CEP192: variants seen among roughly 807,000 people sequenced by gnomAD.
CEP192 encodes the protein centrosomal protein of 192 kDa.
A neutral mutation model predicts 271.8 loss-of-function variants in CEP192; 151 were observed. That is an observed-to-expected ratio of 0.56 (90% CI 0.49 to 0.64). CEP192 has a LOEUF of 0.64. CEP192 is among the 30% of genes least tolerant of loss of function. CEP192 has a pLI of 0.00. For synonymous variants in CEP192, 995 were observed against 1,076.5 expected (o/e 0.92, Z 1.48); for missense variants, 2,910 against 3,020.5 (o/e 0.96, Z 0.86).
At chr18:13,002,170 ATTG>A (rs1445772616) in intron 3 of CEP192, among the ~76,000 whole-genome samples, 1 of 152,188 alleles carries the variant, frequency 6.6e-6, no homozygotes. Context: ...GAGAACAGCC[ATTG>A]AGTACATTTT....
At chr18:13,103,345 ATACC>A (rs1442837301) in intron 38 of CEP192, among the ~76,000 whole-genome samples, 160 bp from the exon 39 acceptor site, 1 of 152,222 alleles carries the variant, frequency 6.6e-6, no homozygotes, top group Non-Finnish European at 1.5e-5. Context: ...AATATCTGAC[ATACC>A]TGATTTTTAA....
intron 10 of CEP192, among the ~76,000 whole-genome samples, chr18:13,030,242 C>T (rs2035540070): frequency 6.6e-6 from 1 of 152,308 alleles, no homozygotes; most frequent in Non-Finnish European, 1.5e-5. Flanking sequence ...CTTTATTCCT[C>T]ATTCTCCATT....
At chr18:13,054,380 A>C (rs1006053333) in intron 18 of CEP192, among the ~76,000 whole-genome samples, 1 of 152,150 alleles carries the variant, frequency 6.6e-6, no homozygotes, top group Non-Finnish European at 1.5e-5. Context: ...TGATGAGCTA[A>C]CTGTGACTGC....
chr18:13,041,456 G>C (rs1175925145), intron 14 of CEP192, among the ~76,000 whole-genome samples: 2 of 152,068 alleles, frequency 1.3e-5, no homozygotes, highest in Non-Finnish European at 2.9e-5. Context: ...TCCTTAAAGA[G>C]CCTGTATTCT....
intron 9 of CEP192, among the ~76,000 whole-genome samples, chr18:13,022,308 T>A (rs2035038492): frequency 6.6e-6 from 1 of 152,184 alleles, no homozygotes; most frequent in Non-Finnish European, 1.5e-5. Flanking sequence ...CTCACTTTAT[T>A]CTTATTTTTC....
chr18:13,109,500 A>T (rs1200735288), intron 40 of CEP192, among the ~76,000 whole-genome samples: 1 of 152,148 alleles, frequency 6.6e-6, no homozygotes, highest in Non-Finnish European at 1.5e-5. Context: ...TACCCAGGTA[A>T]CAAACCTGCG....
In CEP192 at chr18:13,104,990, G is replaced by T; in HGVS notation, c.6958G>T (p.Asp2320Tyr). 6.2e-7 allele frequency: 1 copy of T among 1,611,350 alleles called. No homozygotes were observed. Residue 2320 changes from aspartate (D) to tyrosine (Y), a missense_variant, in exon 40 of 45, where the codon GAT becomes TAT. Transcript: ENST00000506447. ...SLAPPYVKGV[D>Y]ESGDVFRATY... Reference sequence around the variant, plus strand: ...TTAAATGATTGCTTTGCAGGGAGTTGATGAAAGTGGAGATGTTTTTAGAGC... The same window carrying T: ...TTAAATGATTGCTTTGCAGGGAGTTTATGAAAGTGGAGATGTTTTTAGAGC...
intron 38 of CEP192, among the ~76,000 whole-genome samples, 181 bp downstream of exon 38, chr18:13,100,693 ATCTTGGCATTTACTAAC>A (rs1314400145): frequency 6.6e-6 from 1 of 152,198 alleles, no homozygotes; most frequent in Non-Finnish European, 1.5e-5. Context: ...AAAATGTGAA[ATCTTGGCATTTACTAAC>A]TCTGTGTATT....
In CEP192 at chr18:13,042,339, C is replaced by T. The variant is rs1311576157; in HGVS notation, c.2067+5C>T. 1.2e-6 allele frequency: 2 copies of T among 1,613,358 alleles called. No individual in the cohort carries two copies. The highest frequency in any genetic ancestry group is 1.7e-5 in the Admixed American group (1 of 59,934). On this transcript the variant is annotated splice_donor_5th_base_variant and intron_variant, in intron 15 of 44. Transcript: ENST00000506447. ...GCTGATAAAGGCAAAACAGAGGTAG[C>T]TTCAGCCTTTCGTAAGGAAATCTAA...
chr18:13,078,957 G>C (rs913112500), intron 30 of CEP192, among the ~76,000 whole-genome samples: 3 of 152,154 alleles, frequency 2.0e-5, no homozygotes, highest in African/African-American at 7.2e-5. Flanking sequence ...TCCTGCAAAG[G>C]ACGTGAACTC....
At chr18:13,083,402 G>A (rs886520473) in intron 30 of CEP192, among the ~76,000 whole-genome samples, 4 of 152,088 alleles carry the variant, frequency 2.6e-5, no homozygotes, top group East Asian at 1.9e-4. Flanking sequence ...CCACTTGATC[G>A]AGTTGGCTAT....
chr18:13,033,818 CATTT>C (rs1210014195), intron 11 of CEP192, among the ~76,000 whole-genome samples: 4 of 152,108 alleles, frequency 2.6e-5, no homozygotes, highest in Non-Finnish European at 5.9e-5. Context: ...AGTATTCTAA[CATTT>C]GTGTAGAAAG....
At position 12,999,542 on chromosome 18, in the gene CEP192, G is replaced by C. The variant is rs765688417; in HGVS notation, c.118G>C (p.Val40Leu). 1.9e-6 allele frequency: 3 copies of C among 1,550,606 alleles called. No individual in the cohort carries two copies. In the South Asian group the frequency reaches 3.6e-5, roughly 18 times the overall value. Residue 40 changes from valine (V) to leucine (L), a missense_variant, in exon 2 of 45, where the codon GTT becomes CTT. Physicochemically the swap from Val to Leu is conservative, Grantham distance 32 (BLOSUM62 1). Coordinates refer to ENST00000506447, the MANE Select transcript of CEP192 (RefSeq NM_032142.4). ...VTLSSNLGLP[V>L]AVSTLARDRS... ...TCTTTCTTCAAATCTTGGCTTGCCTGTTGCTGTTTCTACACTTGCTAGGGA... is the reference window on the plus strand; with the variant it reads ...TCTTTCTTCAAATCTTGGCTTGCCTCTTGCTGTTTCTACACTTGCTAGGGA...
chr18:12,991,762 C>T (rs970925442), intron 1 of CEP192, among the ~76,000 whole-genome samples: 13 of 152,228 alleles, frequency 8.5e-5, no homozygotes, highest in Non-Finnish European at 1.5e-4. Flanking sequence ...GGACTTCCAC[C>T]TCTTGAGGGA....
At position 13,003,795 on chromosome 18, in the gene CEP192, A is replaced by G. The variant is rs1055510896; in HGVS notation, c.290+2213A>G. Among the ~76,000 whole-genome samples the G allele has an allele frequency of 1.2e-4, 19 of 152,070 alleles. 1 individual carries two copies. Among genetic ancestry groups the G allele is most frequent in the Non-Finnish European group, 1.5e-5 (1 of 67,996 alleles). On this transcript the variant is annotated intron_variant, in intron 3 of 44. Coordinates refer to ENST00000506447, the MANE Select transcript of CEP192 (RefSeq NM_032142.4). ...AGTCTGGGTGACAGAGTGAGACCCT[A>G]TCTCAAAAAAAGGCCCACTCTCGCG...
chr18:13,016,081 C>G (rs541223988), intron 6 of CEP192, among the ~76,000 whole-genome samples: 1 of 152,118 alleles, frequency 6.6e-6, no homozygotes, highest in Non-Finnish European at 1.5e-5. Flanking sequence ...CTCTCGGACA[C>G]CTTAGTCAGG....
At chr18:13,093,355 C>T (rs2039242144) in intron 34 of CEP192, among the ~76,000 whole-genome samples, 2 of 152,206 alleles carry the variant, frequency 1.3e-5, no homozygotes, top group South Asian at 4.1e-4. Flanking sequence ...TTTGCTGCTT[C>T]CTCTCTGGTC....
At chr18:13,010,135 C>T (rs2034249553) in intron 4 of CEP192, among the ~76,000 whole-genome samples, 1 of 151,954 alleles carries the variant, frequency 6.6e-6, no homozygotes, top group Non-Finnish European at 1.5e-5. Context: ...AGACCCAGAC[C>T]CTATCTCAAA....
intron 28 of CEP192, among the ~76,000 whole-genome samples, chr18:13,071,576 C>T (rs1221670810): frequency 6.6e-6 from 1 of 152,194 alleles, no homozygotes; most frequent in Non-Finnish European, 1.5e-5. Context: ...CAGTCAACAA[C>T]CACATAGTTT....
Sources: gnomAD v4.1 joint callset for allele counts (sites outside exome capture counted in the v4.1 genomes callset) on GRCh38, gnomAD v4.1.1 for gene constraint, MANE v1.5 for transcripts, NCBI Gene and HGNC (gene_info 2026-07-23, HGNC 2026-07-21) for gene names.